Variants in ADGB observed in about 807,000 individuals in gnomAD.
ADGB encodes the protein calpain-7-like protein.
In ADGB, 172 loss-of-function variants were observed where a neutral mutation model predicts 210.5. That is an observed-to-expected ratio of 0.82 (90% CI 0.72 to 0.93). The LOEUF is 0.93. Among genes scored for constraint, ADGB ranks in the 40% least tolerant of loss-of-function variants. The pLI is 0.00. For synonymous variants in ADGB, 658 were observed against 662.7 expected, an observed-to-expected ratio of 0.99 and a Z score of 0.11; for missense variants, 2,025 against 1,964.8, an observed-to-expected ratio of 1.03 and a Z score of -0.58.
chr6:146,725,908 C>T (rs1225213268), intron 18 of ADGB, 175 bp from the exon 19 acceptor site: 8 of 471,944 alleles, frequency 1.7e-5, no homozygotes, highest in East Asian at 9.3e-5. Flanking sequence ...TTCATGATCC[C>T]GTAGGGTTCT....
At chr6:146,768,586 T>C (rs1336506762) in intron 28 of ADGB, among the ~76,000 whole-genome samples, 1 of 152,166 alleles carries the variant, frequency 6.6e-6, no homozygotes, top group East Asian at 1.9e-4. Flanking sequence ...GAATTCCAGA[T>C]ATAGTGAACA....
intron 35 of ADGB, among the ~76,000 whole-genome samples, chr6:146,809,335 T>C (rs1472225964): frequency 6.6e-6 from 1 of 152,208 alleles, no homozygotes; most frequent in South Asian, 2.1e-4. Context: ...GACTCCTGAA[T>C]AGCTGGGATT....
At chr6:146,637,133 G>C (rs1775435478) in intron 2 of ADGB, among the ~76,000 whole-genome samples, 1 of 151,948 alleles carries the variant, frequency 6.6e-6, no homozygotes, top group Non-Finnish European at 1.5e-5. Flanking sequence ...CCCAAATCCT[G>C]GGGAAAAGGG....
chr6:146,708,760 T>C (rs1036816912), intron 13 of ADGB, among the ~76,000 whole-genome samples: 2 of 152,130 alleles, frequency 1.3e-5, no homozygotes, highest in African/African-American at 4.8e-5. Flanking sequence ...TTCCCCAGAT[T>C]TGAGAAGTTT....
Position 146,746,117 on chromosome 6 carries a change from T to G in ADGB, c.3365+8T>G. The G allele has an allele frequency of 6.7e-7, 1 of 1,498,500 alleles. No homozygotes were observed. Among genetic ancestry groups the G allele is most frequent in the Non-Finnish European group, 9.0e-7 (1 of 1,113,862 alleles). The allele number at this position is 1,498,500 out of a possible 1,614,324, so 92.8% of individuals were successfully genotyped here. A position where few individuals can be genotyped will look rare whatever the true frequency, so the allele number is the denominator to read the frequency against. Reference sequence around the variant, plus strand: ...TAAGAAAATTTTATTCAGGTACAAGTAAATGACAGAAGGGGAAAGGCATTT... The same window carrying G: ...TAAGAAAATTTTATTCAGGTACAAGGAAATGACAGAAGGGGAAAGGCATTT... On this transcript the variant is annotated splice_region_variant and intron_variant, in intron 26 of 35. Coordinates refer to ENST00000397944, the MANE Select transcript of ADGB (RefSeq NM_024694.4).
At chr6:146,776,657 C>T (rs1287313552) in intron 29 of ADGB, among the ~76,000 whole-genome samples, 2 of 152,052 alleles carry the variant, frequency 1.3e-5, no homozygotes, top group Non-Finnish European at 2.9e-5. Flanking sequence ...ATGTATTACT[C>T]AAACACTAAA....
At chr6:146,644,681 C>G (rs1364872469) in intron 2 of ADGB, 92 bp from the exon 3 acceptor site, 1 of 744,732 alleles carries the variant, frequency 1.3e-6, no homozygotes, top group Non-Finnish European at 2.0e-6. Context: ...TATTGATTGA[C>G]CAAATCTATG....
At chr6:146,672,142 CTG>C in intron 7 of ADGB, 76 bp from the exon 8 acceptor site, 1 of 1,417,922 alleles carries the variant, frequency 7.1e-7, no homozygotes, top group Non-Finnish European at 9.3e-7. Flanking sequence ...GTTGATTTTT[CTG>C]TCAGTAATTT....
At position 146,614,980 on chromosome 6, in the gene ADGB, A is replaced by G. The variant is rs942398471; in HGVS notation, c.74+15866A>G. 2.0e-5 allele frequency among the ~76,000 whole-genome samples: 3 copies of G among 152,068 alleles called. No individual in the cohort carries two copies. The East Asian group carries it at 5.8e-4, about 29-fold the overall frequency. On this transcript the variant is annotated intron_variant, in intron 1 of 35. Transcript: ENST00000397944. ...CAGTGGCACGATCTCGGCTCCCTGC[A>G]GGCTTCGCCTCCCGGGTTCACGCCA...
chr6:146,794,681 T>C (rs543385946), intron 33 of ADGB, among the ~76,000 whole-genome samples: 1 of 151,536 alleles, frequency 6.6e-6, no homozygotes, highest in Admixed American at 6.6e-5. Context: ...ACTTGACACA[T>C]CCTCTCCCAA....
Position 146,735,836 on chromosome 6 carries a change from T to C in ADGB, c.2795-662T>C, listed in dbSNP as rs1777071593. On this transcript the variant is annotated intron_variant, in intron 22 of 35. Coordinates refer to ENST00000397944, the MANE Select transcript of ADGB (RefSeq NM_024694.4). ...ATAACTCTTGATTGCATGGCAATGTTACATATTTTGGCCTTATAGCAGTCA... is the reference window on the plus strand; with the variant it reads ...ATAACTCTTGATTGCATGGCAATGTCACATATTTTGGCCTTATAGCAGTCA... Among the ~76,000 whole-genome samples, 3 of 152,336 alleles carry C rather than the reference T, an allele frequency of 2.0e-5. No individual in the cohort carries two copies. The South Asian group carries it at 6.2e-4, about 32-fold the overall frequency.
chr6:146,745,869 C>A, intron 25 of ADGB, 53 bp from the exon 26 acceptor site: 1 of 1,385,614 alleles, frequency 7.2e-7, no homozygotes, highest in South Asian at 1.4e-5. Context: ...ATTGTACATT[C>A]GATAGAATAA....
At chr6:146,688,872 AG>A (rs1165286115) in intron 10 of ADGB, among the ~76,000 whole-genome samples, 2 of 152,194 alleles carry the variant, frequency 1.3e-5, no homozygotes, top group East Asian at 3.8e-4. Flanking sequence ...ACAGCCTCAA[AG>A]ACAGTAAGAT....
intron 1 of ADGB, among the ~76,000 whole-genome samples, chr6:146,612,012 A>G (rs912349502): frequency 6.6e-6 from 1 of 152,172 alleles, no homozygotes; most frequent in African/African-American, 2.4e-5. Context: ...AGACCAGAGT[A>G]GCAGAAGCAG....
intron 17 of ADGB, 58 bp from the exon 18 acceptor site, chr6:146,724,128 G>A (rs1362848315): frequency 2.2e-5 from 31 of 1,435,370 alleles, no homozygotes; most frequent in Non-Finnish European, 2.8e-5. Context: ...GACAGTACTA[G>A]TGAATGCCAA....
At chr6:146,670,011 C>T (rs1775986192) in intron 7 of ADGB, among the ~76,000 whole-genome samples, 1 of 152,044 alleles carries the variant, frequency 6.6e-6, no homozygotes, top group African/African-American at 2.4e-5. Flanking sequence ...ATTTTCCTTG[C>T]CTCTCACATA....
At chr6:146,675,080 G>T (rs965132471) in intron 8 of ADGB, among the ~76,000 whole-genome samples, 1 of 151,820 alleles carries the variant, frequency 6.6e-6, no homozygotes, top group African/African-American at 2.4e-5. Context: ...GAAACTTCTT[G>T]GTTAAATGTT....
chr6:146,649,557 C>A (rs1193145455), intron 3 of ADGB, among the ~76,000 whole-genome samples: 70 of 150,702 alleles, frequency 4.6e-4, no homozygotes. Flanking sequence ...GTGGCATGAT[C>A]ACATCTCATG....
intron 25 of ADGB, 92 bp downstream of exon 25, chr6:146,741,363 T>A: frequency 8.6e-7 from 1 of 1,165,010 alleles, no homozygotes; most frequent in Non-Finnish European, 1.2e-6. Context: ...AGAGTTGTTT[T>A]TAATCTACTT....
Sources: gnomAD v4.1 joint callset for allele counts (sites outside exome capture counted in the v4.1 genomes callset) on GRCh38, gnomAD v4.1.1 for gene constraint, MANE v1.5 for transcripts, NCBI Gene and HGNC (gene_info 2026-07-23, HGNC 2026-07-21) for gene names.